METTL8: variants seen among roughly 807,000 people sequenced by gnomAD.
METTL8 encodes methyltransferase 8, tRNA N3-cytidine, also known as tRNA N(3)-cytidine methyltransferase METTL8, mitochondrial.
In METTL8, 32 loss-of-function variants were observed where a neutral mutation model predicts 48.7. The ratio of observed to expected loss-of-function variants is 0.66; its 90% confidence interval spans 0.50 to 0.88. The LOEUF (loss-of-function observed/expected upper bound fraction) is 0.88. Ranked by LOEUF, METTL8 falls within the 40% of genes least tolerant of loss-of-function variation. METTL8 has a pLI of 0.00. For missense variants in METTL8, 464 were observed against 474.4 expected (o/e 0.98, Z 0.20); for synonymous variants, 136 against 157.1 (o/e 0.87, Z 1.01).
intron 1 of METTL8, among the ~76,000 whole-genome samples, chr2:171,414,429 A>C (rs1691082758): frequency 6.6e-6 from 1 of 151,930 alleles, no homozygotes. Flanking sequence ...AAAAAAAAAA[A>C]AAACATCTTG....
At chr2:171,391,904 G>C in intron 2 of METTL8, 139 bp downstream of exon 2, 1 of 764,912 alleles carries the variant, frequency 1.3e-6, no homozygotes, top group African/African-American at 1.8e-5. Flanking sequence ...AGTCAGGATC[G>C]GTTACCCTAG....
At chr2:171,402,610 T>A (rs1689752600) in intron 1 of METTL8, among the ~76,000 whole-genome samples, 1 of 152,156 alleles carries the variant, frequency 6.6e-6, no homozygotes, top group Admixed American at 6.6e-5. Context: ...CATTCATTAG[T>A]ATACACACAT....
chr2:171,434,394 C>A (rs768839208), upstream of METTL8: 68 of 1,005,218 alleles, frequency 6.8e-5, no homozygotes, highest in South Asian at 3.8e-4. Context: ...GCGGTGCAAG[C>A]GGCTCTGCTT....
intron 1 of METTL8, among the ~76,000 whole-genome samples, chr2:171,396,918 A>G (rs1224340550): frequency 6.6e-6 from 1 of 151,142 alleles, no homozygotes; most frequent in Non-Finnish European, 1.5e-5. Context: ...CAATGGCACG[A>G]TCATAGCTCA....
intron 1 of METTL8, among the ~76,000 whole-genome samples, chr2:171,421,067 T>C (rs1691821519): frequency 6.6e-6 from 1 of 151,912 alleles, no homozygotes; most frequent in African/African-American, 2.4e-5. Flanking sequence ...GAAAGAGAAA[T>C]AAAAAGTAAA....
chr2:171,421,530 C>T (rs925178877), intron 1 of METTL8, among the ~76,000 whole-genome samples: 1 of 151,930 alleles, frequency 6.6e-6, no homozygotes, highest in Non-Finnish European at 1.5e-5. Context: ...ATATGATACA[C>T]TTAGGAAGTT....
chr2:171,403,637 T>A (rs1689855657), intron 1 of METTL8, among the ~76,000 whole-genome samples: 1 of 152,126 alleles, frequency 6.6e-6, no homozygotes, highest in South Asian at 2.1e-4. Flanking sequence ...AAATGTACCA[T>A]ACGAATCTGT....
intron 2 of METTL8, among the ~76,000 whole-genome samples, chr2:171,370,135 G>A (rs1686165624): frequency 6.6e-6 from 1 of 151,800 alleles, no homozygotes; most frequent in Admixed American, 6.6e-5. Context: ...AAAAAGGGCA[G>A]AAGAGAGAAA....
At chr2:171,400,595 A>G (rs1278380381) in intron 1 of METTL8, among the ~76,000 whole-genome samples, 2 of 152,200 alleles carry the variant, frequency 1.3e-5, no homozygotes, top group East Asian at 3.8e-4. Flanking sequence ...TGCTGAACCC[A>G]TACATAACAA....
At chr2:171,355,964 C>A (rs1684491928) in intron 3 of METTL8, among the ~76,000 whole-genome samples, 1 of 151,836 alleles carries the variant, frequency 6.6e-6, no homozygotes, top group African/African-American at 2.4e-5. Context: ...CCGTGGGCTG[C>A]ATCCACTGTC....
At chr2:171,377,591 T>G (rs1479641865) in intron 2 of METTL8, among the ~76,000 whole-genome samples, 1 of 151,870 alleles carries the variant, frequency 6.6e-6, no homozygotes, top group Non-Finnish European at 1.5e-5. Flanking sequence ...AATAGGCAAT[T>G]CTCAAAAGAA....
chr2:171,333,100 CTT>C (rs11427651), intron 5 of METTL8, among the ~76,000 whole-genome samples: 2 of 143,078 alleles, frequency 1.4e-5, no homozygotes. Flanking sequence ...TTTTTCTTTT[CTT>C]TTTTTTTTTT....
intron 3 of METTL8, 78 bp from the exon 4 acceptor site, chr2:171,339,632 A>C: frequency 1.5e-6 from 1 of 664,070 alleles, no homozygotes; most frequent in Non-Finnish European, 2.4e-6. Context: ...GATAATTGTT[A>C]AACATATACA....
Position 171,339,436 on chromosome 2 carries a change from A to T in METTL8, c.354T>A (p.Asp118Glu), listed in dbSNP as rs1686472069. The change falls in exon 4 of 10, where the codon GAT (aspartate) becomes GAA (glutamate). Residue 118 changes from aspartate (D) to glutamate (E), a missense_variant. Physicochemically the swap from Asp to Glu is conservative, Grantham distance 45 (BLOSUM62 2). Coordinates refer to ENST00000375258, the MANE Select transcript of METTL8 (RefSeq NM_001321154.2). ...LREFPEILPVDQKPEEKARES... is the reference protein window; with the variant it reads ...LREFPEILPVEQKPEEKARES... The stretch of plus-strand genomic sequence containing the variant: ...CTCTCGCCTTCTCTTCAGGTTTTTG[A>T]TCAACTGGAAGAATTTCAGGAAATT... 1 of 1,613,478 alleles carries T rather than the reference A, an allele frequency of 6.2e-7. No homozygotes were observed. The highest frequency in any genetic ancestry group is 1.3e-5 in the African/African-American group (1 of 74,906).
chr2:171,416,251 C>T (rs1691302845), intron 1 of METTL8, among the ~76,000 whole-genome samples: 1 of 151,942 alleles, frequency 6.6e-6, no homozygotes, highest in South Asian at 2.1e-4. Context: ...TAGGAAAGCT[C>T]GTGCACCCTC....
intron 2 of METTL8, among the ~76,000 whole-genome samples, chr2:171,360,809 T>C (rs544083293): frequency 2.0e-5 from 3 of 152,318 alleles, no homozygotes. Flanking sequence ...ATTTGGGTGC[T>C]GGTATGCCGG....
chr2:171,408,582 G>A (rs141699328), intron 1 of METTL8, among the ~76,000 whole-genome samples: 40 of 152,178 alleles, frequency 2.6e-4, no homozygotes, highest in African/African-American at 9.2e-4. Context: ...GTGAGCCACC[G>A]TGACCAGCTG....
chr2:171,366,572 C>A (rs1288019059), intron 2 of METTL8, among the ~76,000 whole-genome samples: 1 of 151,970 alleles, frequency 6.6e-6, no homozygotes, highest in African/African-American at 2.4e-5. Flanking sequence ...GGAATTAGTA[C>A]ACAAGGACTT....
Position 171,340,426 on chromosome 2 carries a change from C to T in METTL8, c.236-872G>A, listed in dbSNP as rs191594780. Among the ~76,000 whole-genome samples the T allele has an allele frequency of 1.4e-3, 199 of 141,744 alleles. 1 individual carries two copies. Among genetic ancestry groups the T allele is most frequent in the African/African-American group, 4.6e-3 (172 of 37,662 alleles). 93.0% of individuals were successfully genotyped at this position (141,744 alleles called of 152,430 possible). A position where few individuals can be genotyped will look rare whatever the true frequency, so the allele number is the denominator to read the frequency against. ...CTGAGGCAGGAGAAATGCTTGAACC[C>T]GGGAGGAGAAATTTGCAGTGAGCAG... On this transcript the variant is annotated intron_variant, in intron 3 of 9. Transcript: ENST00000375258.
Sources: gnomAD v4.1 joint callset for allele counts (sites outside exome capture counted in the v4.1 genomes callset) on GRCh38, gnomAD v4.1.1 for gene constraint, MANE v1.5 for transcripts, NCBI Gene and HGNC (gene_info 2026-07-23, HGNC 2026-07-21) for gene names.